The following ETFA variants were observed in gnomAD, a reference collection of about 807,000 sequenced individuals.
ETFA encodes the protein electron transfer flavoprotein subunit alpha, mitochondrial.
In ETFA, 22 loss-of-function variants were observed where a neutral mutation model predicts 46.2. The ratio of observed to expected loss-of-function variants is 0.48; its 90% confidence interval spans 0.34 to 0.68. The LOEUF (loss-of-function observed/expected upper bound fraction) is 0.68, where lower values mean the gene tolerates loss of function less well. Among genes scored for constraint, ETFA ranks in the 30% least tolerant of loss-of-function variants. ETFA has a pLI of 0.01. For missense variants in ETFA, 345 were observed against 401.1 expected, an observed-to-expected ratio of 0.86 and a Z score of 1.19; for synonymous variants, 131 against 139.9, an observed-to-expected ratio of 0.94 and a Z score of 0.45.
intron 9 of ETFA, among the ~76,000 whole-genome samples, chr15:76,263,080 C>A (rs72475988): frequency 0.039 from 5,956 of 152,268 alleles, 162 homozygotes; most frequent in South Asian, 0.12. Context: ...AAAGAAAATG[C>A]TACACCATCA....
At chr15:76,307,592 G>A (rs1431771475) in intron 1 of ETFA, among the ~76,000 whole-genome samples, 1 of 151,686 alleles carries the variant, frequency 6.6e-6, no homozygotes, top group East Asian at 1.9e-4. Flanking sequence ...GTTCAAGCAA[G>A]TCTCGTGCCT....
Position 76,215,450 on chromosome 15 carries a change from GGCA to G in ETFA, c.*1106_*1108del, listed in dbSNP as rs2038888565. ...AAGGGCCCCAGGCTGGTCACACAAA[GGCA>G]CTCTAGCCACCTCCATCACTTATCA... On this transcript the variant is annotated 3_prime_UTR_variant, in exon 12 of 12. Transcript: ENST00000557943. 6.6e-6 allele frequency: 1 copy of G among 152,100 alleles called. No individual in the cohort carries two copies. The highest frequency in any genetic ancestry group is 1.9e-4 in the East Asian group (1 of 5,166). 9.4% of individuals were successfully genotyped at this position (152,100 alleles called of 1,614,324 possible). A position where few individuals can be genotyped will look rare whatever the true frequency, so the allele number is the denominator to read the frequency against.
At chr15:76,260,543 C>T in intron 9 of ETFA, 1 of 1,478,940 alleles carries the variant, frequency 6.8e-7, no homozygotes, top group Non-Finnish European at 9.4e-7. Context: ...CGATCAGGCC[C>T]TTTTGGGGAT....
Position 76,304,401 on chromosome 15 carries a change from A to G in ETFA, c.39+6949T>C, listed in dbSNP as rs140291738. Among the ~76,000 whole-genome samples the G allele has an allele frequency of 3.9e-3, 587 of 152,278 alleles. 3 individuals carry two copies. The highest frequency in any genetic ancestry group is 0.013 in the African/African-American group (555 of 41,554). On this transcript the variant is annotated intron_variant, in intron 1 of 11. Coordinates refer to ENST00000557943, the MANE Select transcript of ETFA (RefSeq NM_000126.4). ...ATCAAACCCCCAGGACACACGGTTT[A>G]CTCATAATAAATCTGCACAGATACC...
intron 1 of ETFA, among the ~76,000 whole-genome samples, chr15:76,299,370 A>G (rs1298155309): frequency 6.6e-6 from 1 of 151,956 alleles, no homozygotes; most frequent in Non-Finnish European, 1.5e-5. Flanking sequence ...TGCAGCTTCA[A>G]CCTCCCAGGC....
chr15:76,236,277 A>G (rs1396986694), intron 9 of ETFA, among the ~76,000 whole-genome samples: 2 of 152,194 alleles, frequency 1.3e-5, no homozygotes, highest in Admixed American at 6.5e-5. Flanking sequence ...CTATACTTAT[A>G]TATCTTGTAA....
At chr15:76,277,235 T>TA (rs1360673063) in intron 8 of ETFA, among the ~76,000 whole-genome samples, 1 of 152,226 alleles carries the variant, frequency 6.6e-6, no homozygotes, top group East Asian at 1.9e-4. Flanking sequence ...GTTGAGTATT[T>TA]ACCTTTCCTC....
rs7169372 is a variant in ETFA at position 76,291,337 on chromosome 15, C to A, written c.351+1094G>T. On this transcript the variant is annotated intron_variant, in intron 4 of 11. Transcript: ENST00000557943. ...ACGCACCTATAATCCCAGCTACACA[C>A]GGGAGGCTGAGGCAGGAGAATGGCT... Among the ~76,000 whole-genome samples, 848 of 148,978 alleles carry A rather than the reference C, an allele frequency of 5.7e-3. 16 individuals are homozygous for A. The highest frequency in any genetic ancestry group is 0.02 in the African/African-American group (816 of 40,482).
intron 1 of ETFA, among the ~76,000 whole-genome samples, chr15:76,305,920 TG>T (rs1362292245): frequency 6.6e-6 from 1 of 151,660 alleles, no homozygotes; most frequent in Non-Finnish European, 1.5e-5. Flanking sequence ...TTGCTTGCTA[TG>T]TTGCTCAGGC....
chr15:76,303,751 A>T (rs772693359), intron 1 of ETFA, among the ~76,000 whole-genome samples: 1 of 152,256 alleles, frequency 6.6e-6, no homozygotes, highest in Non-Finnish European at 1.5e-5. Flanking sequence ...ACAATGAGAC[A>T]TCTCACACCA....
At chr15:76,290,126 A>T (rs983161273) in intron 4 of ETFA, among the ~76,000 whole-genome samples, 4 of 152,214 alleles carry the variant, frequency 2.6e-5, no homozygotes, top group African/African-American at 4.8e-5. Context: ...TTTAAACTAC[A>T]TAGCATTTGA....
intron 11 of ETFA, among the ~76,000 whole-genome samples, chr15:76,218,428 CG>C (rs1414797116): frequency 1.3e-5 from 2 of 152,110 alleles, no homozygotes; most frequent in East Asian, 3.9e-4. Flanking sequence ...CCACCACACC[CG>C]GCTAATTTTT....
chr15:76,287,248 C>T (rs1431378469), intron 5 of ETFA, among the ~76,000 whole-genome samples: 1 of 152,178 alleles, frequency 6.6e-6, no homozygotes, highest in Non-Finnish European at 1.5e-5. Flanking sequence ...ACCATAGCCT[C>T]GACCTTCTGG....
At chr15:76,259,189 C>T (rs765657705) in intron 9 of ETFA, 355 of 1,525,894 alleles carry the variant, frequency 2.3e-4, no homozygotes, top group Non-Finnish European at 3.1e-4. Context: ...GGCTGATCCC[C>T]GCTAGGCAGC....
rs1013505309 is a variant in ETFA, at chr15:76,225,946, A to G, written c.883-17T>C. On this transcript the variant is annotated splice_polypyrimidine_tract_variant and intron_variant, in intron 10 of 11. Coordinates refer to ENST00000557943, the MANE Select transcript of ETFA (RefSeq NM_000126.4). ...CACAATTGTCTGTGAAATAAAAACA[A>G]AGAGTTTGACTTTTACCAAGAAAAC... 1 of 1,533,236 alleles carries G rather than the reference A, an allele frequency of 6.5e-7. No individual in the cohort carries two copies. Among genetic ancestry groups the G allele is most frequent in the African/African-American group, 1.4e-5 (1 of 73,468 alleles). 95.0% of individuals were successfully genotyped at this position (1,533,236 alleles called of 1,614,324 possible).
chr15:76,277,165 C>A (rs2039601541), intron 8 of ETFA, among the ~76,000 whole-genome samples: 2 of 152,160 alleles, frequency 1.3e-5, no homozygotes, highest in Non-Finnish European at 2.9e-5. Context: ...GTGAACTTTA[C>A]ACATGCTTCT....
intron 8 of ETFA, among the ~76,000 whole-genome samples, chr15:76,282,255 A>T (rs2039662922): frequency 6.6e-6 from 1 of 152,168 alleles, no homozygotes; most frequent in Non-Finnish European, 1.5e-5. Flanking sequence ...TCCCACAGAG[A>T]AGATGATATG....
chr15:76,301,202 C>A (rs1031977286), intron 1 of ETFA, among the ~76,000 whole-genome samples: 1 of 152,220 alleles, frequency 6.6e-6, no homozygotes, highest in African/African-American at 2.4e-5. Flanking sequence ...TGGACCGTCT[C>A]GGACTAGTTA....
intron 1 of ETFA, among the ~76,000 whole-genome samples, chr15:76,304,300 G>A (rs1282683310): frequency 1.3e-5 from 2 of 152,158 alleles, no homozygotes; most frequent in Non-Finnish European, 2.9e-5. Flanking sequence ...AGGGTGGAGG[G>A]TGGGAGCAGG....
Sources: gnomAD v4.1 joint callset for allele counts (sites outside exome capture counted in the v4.1 genomes callset) on GRCh38, gnomAD v4.1.1 for gene constraint, MANE v1.5 for transcripts, NCBI Gene and HGNC (gene_info 2026-07-23, HGNC 2026-07-21) for gene names.